Variants in NEGR1 observed in about 807,000 individuals in gnomAD.
NEGR1 encodes the protein IgLON family member 4.
In NEGR1, 10 loss-of-function variants were observed where a neutral mutation model predicts 40.9. The ratio of observed to expected loss-of-function variants is 0.24; its 90% confidence interval spans 0.15 to 0.42. The LOEUF is 0.42. NEGR1 is among the 10% of genes least tolerant of loss of function. The pLI, the probability that NEGR1 is intolerant of heterozygous loss-of-function variation, is 1.00. For synonymous variants in NEGR1, 185 were observed against 166.8 expected, an observed-to-expected ratio of 1.11 and a Z score of -0.84; for missense variants, 352 against 438.9, an observed-to-expected ratio of 0.80 and a Z score of 1.77.
intron 5 of NEGR1, among the ~76,000 whole-genome samples, chr1:71,603,782 T>C (rs566019788): frequency 1.3e-5 from 2 of 152,220 alleles, no homozygotes; most frequent in Admixed American, 6.5e-5. Flanking sequence ...TAAAATTTTC[T>C]GTCTCAGCTC....
intron 2 of NEGR1, among the ~76,000 whole-genome samples, chr1:71,925,229 A>AG (rs35757227): frequency 6.6e-6 from 1 of 152,196 alleles, no homozygotes; most frequent in African/African-American, 2.4e-5. Context: ...TTTCCAGAGA[A>AG]GGGGTCTACA....
chr1:71,473,623 G>GT (rs1646798008), intron 6 of NEGR1, among the ~76,000 whole-genome samples: 3 of 152,060 alleles, frequency 2.0e-5, no homozygotes, highest in Admixed American at 2.0e-4. Flanking sequence ...CAGATAGGGA[G>GT]TTTTTATTGA....
At chr1:71,946,095 C>T (rs1417307419) in intron 1 of NEGR1, among the ~76,000 whole-genome samples, 2 of 151,978 alleles carry the variant, frequency 1.3e-5, no homozygotes, top group African/African-American at 4.8e-5. Context: ...GTCACTGAGG[C>T]TGGAGTGCAG....
intron 6 of NEGR1, among the ~76,000 whole-genome samples, chr1:71,426,813 T>C (rs932875000): frequency 1.3e-5 from 2 of 152,140 alleles, no homozygotes; most frequent in Non-Finnish European, 2.9e-5. Flanking sequence ...TTATGTGAGA[T>C]TTAAAAAAAA....
In NEGR1 at chr1:71,635,867, C is replaced by T. The variant is rs575052727; in HGVS notation, c.668-24721G>A. ...ATATCGTGTCCTTACTTTTAATATA[C>T]ACCTTAAGAATGCTTCATATTGTGT... On this transcript the variant is annotated intron_variant, in intron 4 of 6. Coordinates refer to ENST00000357731, the MANE Select transcript of NEGR1 (RefSeq NM_173808.3). Among the ~76,000 whole-genome samples the T allele has an allele frequency of 8.6e-5, 13 of 152,012 alleles. 1 individual carries two copies. The East Asian group carries it at 2.5e-3, about 30-fold the overall frequency.
At chr1:71,564,494 G>A (rs1648557117) in intron 6 of NEGR1, among the ~76,000 whole-genome samples, 1 of 151,852 alleles carries the variant, frequency 6.6e-6, no homozygotes, top group Non-Finnish European at 1.5e-5. Context: ...TGCTTCCTTT[G>A]GATCTCAATT....
chr1:71,729,565 G>A (rs759345193), intron 3 of NEGR1, among the ~76,000 whole-genome samples: 5 of 152,008 alleles, frequency 3.3e-5, no homozygotes, highest in Admixed American at 1.3e-4. Flanking sequence ...TGTGATTTAC[G>A]GTAAAAATCT....
chr1:71,708,821 T>A (rs1327023673), intron 3 of NEGR1, among the ~76,000 whole-genome samples: 1 of 152,178 alleles, frequency 6.6e-6, no homozygotes, highest in African/African-American at 2.4e-5. Flanking sequence ...GCTCCCACTT[T>A]ATAAGTGAGA....
chr1:71,876,990 TAA>T (rs146733354), intron 2 of NEGR1, among the ~76,000 whole-genome samples: 3 of 148,978 alleles, frequency 2.0e-5, no homozygotes, highest in African/African-American at 7.4e-5. Context: ...TTGCAGTAGT[TAA>T]AAAAAAAATA....
intron 1 of NEGR1, among the ~76,000 whole-genome samples, chr1:72,218,873 A>G (rs1653916874): frequency 6.6e-6 from 1 of 152,090 alleles, no homozygotes; most frequent in Non-Finnish European, 1.5e-5. Context: ...AACTTCCACA[A>G]TCTACCACAA....
intron 6 of NEGR1, among the ~76,000 whole-genome samples, chr1:71,478,052 A>T (rs927720593): frequency 2.0e-5 from 3 of 151,948 alleles, no homozygotes; most frequent in African/African-American, 4.8e-5. Context: ...TTTTTCATAG[A>T]TGAATGTATA....
chr1:72,263,237 A>C (rs910013119), intron 1 of NEGR1, among the ~76,000 whole-genome samples: 5 of 151,660 alleles, frequency 3.3e-5, no homozygotes, highest in Admixed American at 3.3e-4. Flanking sequence ...AGTCTTTCTC[A>C]ACACATTCAT....
intron 6 of NEGR1, among the ~76,000 whole-genome samples, chr1:71,577,244 T>C (rs1648994703): frequency 6.6e-6 from 1 of 152,340 alleles, no homozygotes; most frequent in East Asian, 1.9e-4. Flanking sequence ...TTGAATAGAA[T>C]TTTAATGGTG....
At chr1:71,591,759 G>A (rs574762368) in intron 6 of NEGR1, among the ~76,000 whole-genome samples, 1 of 152,182 alleles carries the variant, frequency 6.6e-6, no homozygotes, top group South Asian at 2.1e-4. Flanking sequence ...AAACTGATAT[G>A]TTTTATTTCA....
chr1:72,108,735 G>A (rs557373231), intron 1 of NEGR1, among the ~76,000 whole-genome samples: 1 of 151,530 alleles, frequency 6.6e-6, no homozygotes, highest in Non-Finnish European at 1.5e-5. Context: ...GGAATCTGGA[G>A]AGGTATTCAA....
intron 6 of NEGR1, among the ~76,000 whole-genome samples, chr1:71,504,199 G>A (rs1171750458): frequency 6.6e-6 from 1 of 151,910 alleles, no homozygotes; most frequent in East Asian, 1.9e-4. Flanking sequence ...TTGTAACTAA[G>A]AGCTGACCTA....
At chr1:72,006,226 C>T (rs944351997) in intron 1 of NEGR1, among the ~76,000 whole-genome samples, 1 of 152,174 alleles carries the variant, frequency 6.6e-6, no homozygotes, top group Admixed American at 6.5e-5. Flanking sequence ...TGTGTGTCCA[C>T]TTACATTAGC....
chr1:71,805,076 C>T (rs1207119229), intron 2 of NEGR1, among the ~76,000 whole-genome samples: 1 of 152,082 alleles, frequency 6.6e-6, no homozygotes, highest in Admixed American at 6.6e-5. Context: ...CTCCAGTCTC[C>T]CTTAGCGCTC....
chr1:71,882,780 T>C (rs2101844811), intron 2 of NEGR1, among the ~76,000 whole-genome samples: 1 of 151,598 alleles, frequency 6.6e-6, no homozygotes, highest in Admixed American at 6.6e-5. Flanking sequence ...ATTTCAGTAG[T>C]TCTCAGTCTA....
Sources: gnomAD v4.1 joint callset for allele counts (sites outside exome capture counted in the v4.1 genomes callset) on GRCh38, gnomAD v4.1.1 for gene constraint, MANE v1.5 for transcripts, NCBI Gene and HGNC (gene_info 2026-07-23, HGNC 2026-07-21) for gene names.